The following BIRC6 variants were observed in gnomAD, a reference collection of about 807,000 sequenced individuals.
The protein encoded by BIRC6 is dual E2 ubiquitin-conjugating enzyme/E3 ubiquitin-protein ligase BIRC6.
A neutral mutation model predicts 503.3 loss-of-function variants in BIRC6; 98 were observed. The observed-to-expected ratio is 0.19, with a 90% CI of 0.17 to 0.23. The LOEUF is 0.23. Among genes scored for constraint, BIRC6 ranks in the 10% least tolerant of loss-of-function variants. BIRC6 has a pLI of 1.00. For synonymous variants in BIRC6, 2,240 were observed against 2,078.7 expected, an observed-to-expected ratio of 1.08 and a Z score of -2.11; for missense variants, 5,360 against 5,806.0, an observed-to-expected ratio of 0.92 and a Z score of 2.50.
intron 9 of BIRC6, among the ~76,000 whole-genome samples, chr2:32,411,287 C>T (rs2041845529): frequency 6.6e-6 from 1 of 151,692 alleles, no homozygotes; most frequent in African/African-American, 2.4e-5. Flanking sequence ...GATCCACCCG[C>T]CTCACCCTGC....
At chr2:32,565,756 A>C (rs954508458) in intron 65 of BIRC6, 2 of 152,264 alleles carry the variant, frequency 1.3e-5, no homozygotes, top group African/African-American at 2.4e-5. Flanking sequence ...GGAGACTTAC[A>C]ATCATGGCAG....
intron 65 of BIRC6, among the ~76,000 whole-genome samples, chr2:32,569,140 C>A (rs2059748579): frequency 6.6e-6 from 1 of 151,958 alleles, no homozygotes; most frequent in African/African-American, 2.4e-5. Context: ...CAGACACCCA[C>A]AACGAGGCCC....
At chr2:32,512,420 T>G (rs2054541869) in intron 53 of BIRC6, among the ~76,000 whole-genome samples, 1 of 152,248 alleles carries the variant, frequency 6.6e-6, no homozygotes, top group South Asian at 2.1e-4. Context: ...TTAGTTGACC[T>G]ATAATCTTGT....
At position 32,480,334 on chromosome 2, in the gene BIRC6, T is replaced by C. The variant is rs1057423856; in HGVS notation, c.7408+717T>C. ...TCTCAAATATCTCTGCTAGCACATA[T>C]CATGTTGTAGTCAGTTTTAATTATA... On this transcript the variant is annotated intron_variant, in intron 37 of 73. Coordinates refer to ENST00000421745, the MANE Select transcript of BIRC6 (RefSeq NM_016252.4). Among the ~76,000 whole-genome samples the C allele has an allele frequency of 3.9e-5, 6 of 152,264 alleles. No homozygotes were observed. In the East Asian group the frequency reaches 9.6e-4, roughly 24 times the overall value.
chr2:32,548,051 CTT>C, intron 64 of BIRC6, 37 bp downstream of exon 64: 1 of 1,483,264 alleles, frequency 6.7e-7, no homozygotes. Context: ...ATGATAATGG[CTT>C]TTTTTTTGTA....
chr2:32,477,965 A>T (rs921120704), intron 35 of BIRC6, among the ~76,000 whole-genome samples: 4 of 152,152 alleles, frequency 2.6e-5, no homozygotes, highest in Non-Finnish European at 1.5e-5. Flanking sequence ...AATGTAAGTA[A>T]TGTGGATATG....
intron 1 of BIRC6, among the ~76,000 whole-genome samples, chr2:32,362,469 C>T (rs563914610): frequency 2.9e-4 from 44 of 152,044 alleles, no homozygotes; most frequent in Non-Finnish European, 5.3e-4. Flanking sequence ...GTGCCCCCCA[C>T]CAGACCCGGC....
At chr2:32,539,294 A>G (rs1049707247) in intron 61 of BIRC6, among the ~76,000 whole-genome samples, 1 of 152,228 alleles carries the variant, frequency 6.6e-6, no homozygotes, top group Admixed American at 6.5e-5. Context: ...AGTAAATGAA[A>G]CAAAGTGAGG....
At position 32,464,814 on chromosome 2, in the gene BIRC6, G is replaced by T; in HGVS notation, c.5247G>T (p.Lys1749Asn). Residue 1749 changes from lysine (K) to asparagine (N), a missense_variant, in exon 25 of 74, where the codon AAG becomes AAT. By Grantham distance (94) the Lys-to-Asn change is moderately conservative (BLOSUM62 0). Transcript: ENST00000421745. ...CTGCACATAACAAAAATTCCAACAA[G>T]TCCAGAATGGTAAATTATGTTTTAA... Reference protein sequence around the residue: ...NLAAHNKNSNKSRMNPLGSGL... With the variant: ...NLAAHNKNSNNSRMNPLGSGL... 6.2e-7 allele frequency: 1 copy of T among 1,604,166 alleles called. No homozygotes were observed. The highest frequency in any genetic ancestry group is 8.5e-7 in the Non-Finnish European group (1 of 1,173,790).
At chr2:32,406,416 CA>C (rs960985853) in intron 8 of BIRC6, 82 bp from the exon 9 acceptor site, 20 of 1,061,180 alleles carry the variant, frequency 1.9e-5, no homozygotes, top group Non-Finnish European at 2.7e-5. Context: ...CCCACAAAAC[CA>C]ACTGTTCTTT....
intron 32 of BIRC6, among the ~76,000 whole-genome samples, chr2:32,472,174 C>G (rs966862505): frequency 2.6e-5 from 4 of 152,162 alleles, no homozygotes; most frequent in African/African-American, 9.7e-5. Flanking sequence ...TCACAGGATT[C>G]TCCTGTCTCA....
chr2:32,371,371 C>T (rs893406521), intron 1 of BIRC6, among the ~76,000 whole-genome samples: 13 of 151,434 alleles, frequency 8.6e-5, no homozygotes, highest in Non-Finnish European at 1.6e-4. Context: ...TTACTTTCTT[C>T]TATTAGTATT....
chr2:32,420,149 C>T (rs1229912451), intron 10 of BIRC6, among the ~76,000 whole-genome samples: 2 of 152,044 alleles, frequency 1.3e-5, no homozygotes, highest in Non-Finnish European at 2.9e-5. Flanking sequence ...ATTATATGTT[C>T]CTTGTAATCT....
chr2:32,376,852 C>T (rs550296428), intron 1 of BIRC6, among the ~76,000 whole-genome samples: 40 of 152,268 alleles, frequency 2.6e-4, no homozygotes, highest in Admixed American at 9.8e-4. Context: ...TGTGGTCTCT[C>T]AGAATATCTT....
intron 32 of BIRC6, 113 bp downstream of exon 32, chr2:32,471,237 C>A: frequency 7.4e-7 from 1 of 1,344,336 alleles, no homozygotes; most frequent in Non-Finnish European, 1.0e-6. Context: ...CTGGAGCTAC[C>A]AGCTGTATGT....
In BIRC6 at chr2:32,357,194, G is replaced by A; in HGVS notation, c.33G>A (p.Gly11=). The change falls in exon 1 of 74, where the codon GGG becomes GGA. Residue 11 remains glycine, a synonymous_variant. Transcript: ENST00000421745. The surrounding 1 kb of genome is among the most constrained non-coding windows in gnomAD (Gnocchi z 4.9). ...CTGGTGGTGGTGCTGCACCTCCCGG[G>A]ACTGTCACTGAGCCGCTTCCCAGTG... The part of the protein sequence containing the change: MVTGGGAAPP[G]TVTEPLPSVI... The A allele has an allele frequency of 6.5e-7, 1 of 1,539,298 alleles. No individual in the cohort carries two copies. Among genetic ancestry groups the A allele is most frequent in the Non-Finnish European group, 8.7e-7 (1 of 1,149,710 alleles).
At chr2:32,430,732 T>C (rs947942453) in intron 11 of BIRC6, 133 bp from the exon 12 acceptor site, 1 of 658,502 alleles carries the variant, frequency 1.5e-6, no homozygotes, top group African/African-American at 1.8e-5. Context: ...CCCACTTTAT[T>C]AACTTTCAGA....
rs191887033 is a variant in BIRC6, at chr2:32,380,048, A to C, written c.508-105A>C. On this transcript the variant is annotated intron_variant, in intron 2 of 73. Coordinates refer to ENST00000421745, the MANE Select transcript of BIRC6 (RefSeq NM_016252.4). ...AGGTAAGTTTAGTATAGTACCTGTC[A>C]TAATCATTGCATATTAAAATATCTG... 3.4e-5 allele frequency: 27 copies of C among 783,412 alleles called. 1 individual carries two copies. The African/African-American group carries it at 4.2e-4, about 12-fold the overall frequency. 48.5% of individuals were successfully genotyped at this position (783,412 alleles called of 1,614,324 possible).
At chr2:32,375,345 A>G (rs942173380) in intron 1 of BIRC6, among the ~76,000 whole-genome samples, 1 of 152,130 alleles carries the variant, frequency 6.6e-6, no homozygotes, top group Non-Finnish European at 1.5e-5. Context: ...TGTATGGGAA[A>G]GTATTCAGTC....
Sources: allele counts gnomAD v4.1 joint callset (sites outside exome capture counted in the v4.1 genomes callset), GRCh38; gene constraint gnomAD v4.1.1; non-coding constraint Gnocchi (gnomAD v3.1); transcripts MANE v1.5; gene names NCBI Gene and HGNC (gene_info 2026-07-23, HGNC 2026-07-21).